Variants in CWF19L2 observed in about 807,000 individuals in gnomAD.
CWF19L2 encodes CWF19-like protein 2.
CWF19L2 carries 98 observed loss-of-function variants against 111.7 expected under a neutral mutation model. The ratio of observed to expected loss-of-function variants is 0.88; its 90% CI spans 0.75 to 1.04. The LOEUF is 1.04. CWF19L2 is among the 50% of genes least tolerant of loss of function. The probability of loss-of-function intolerance (pLI) is 0.00; values close to 1 mark genes in which losing one functional copy is unlikely to be tolerated. For synonymous variants in CWF19L2, 351 were observed against 342.9 expected, an observed-to-expected ratio of 1.02 and a Z score of -0.26; for missense variants, 1,101 against 1,051.4, an observed-to-expected ratio of 1.05 and a Z score of -0.65.
chr11:107,344,651 T>C (rs1860052003), intron 14 of CWF19L2, among the ~76,000 whole-genome samples: 1 of 152,238 alleles, frequency 6.6e-6, no homozygotes, highest in African/African-American at 2.4e-5. Flanking sequence ...TGAAGCATTT[T>C]TACGAGGGCT....
At chr11:107,413,914 C>T (rs1452181967) in intron 10 of CWF19L2, among the ~76,000 whole-genome samples, 1 of 152,108 alleles carries the variant, frequency 6.6e-6, no homozygotes, top group Non-Finnish European at 1.5e-5. Flanking sequence ...CAGTTTTAAA[C>T]TTCATTATAT....
At chr11:107,380,896 A>T (rs1422195980) in intron 12 of CWF19L2, among the ~76,000 whole-genome samples, 23 of 152,236 alleles carry the variant, frequency 1.5e-4, no homozygotes, top group Non-Finnish European at 2.9e-5. Context: ...AAAAGCAATG[A>T]AATTCTGAAA....
chr11:107,453,540 G>A (rs1427602019), intron 3 of CWF19L2, among the ~76,000 whole-genome samples: 7 of 151,770 alleles, frequency 4.6e-5, no homozygotes, highest in South Asian at 2.1e-4. Flanking sequence ...ACCAATAATC[G>A]GGTACTACAC....
chr11:107,446,838 G>A (rs1032300235), intron 3 of CWF19L2, among the ~76,000 whole-genome samples: 1 of 152,126 alleles, frequency 6.6e-6, no homozygotes, highest in African/African-American at 2.4e-5. Flanking sequence ...CAGCAAAATT[G>A]ATGCTCCCCA....
intron 12 of CWF19L2, among the ~76,000 whole-genome samples, chr11:107,387,004 G>C (rs372448869): frequency 1.3e-5 from 2 of 151,638 alleles, no homozygotes; most frequent in South Asian, 4.2e-4. Context: ...CAATGAGTTG[G>C]GATTGAGCCA....
chr11:107,453,406 C>T (rs937820136), intron 3 of CWF19L2, among the ~76,000 whole-genome samples: 1 of 152,068 alleles, frequency 6.6e-6, no homozygotes, highest in Admixed American at 6.6e-5. Flanking sequence ...CCAAAAGAGA[C>T]CCTGTCCTTC....
At chr11:107,403,516 C>A (rs545625509) in intron 10 of CWF19L2, 1 of 824,222 alleles carries the variant, frequency 1.2e-6, no homozygotes, top group Non-Finnish European at 2.2e-6. Flanking sequence ...TACTGTCAAC[C>A]CCCTCCTGCC....
At chr11:107,345,934 T>A (rs1214265714) in intron 14 of CWF19L2, among the ~76,000 whole-genome samples, 1 of 152,166 alleles carries the variant, frequency 6.6e-6, no homozygotes, top group Non-Finnish European at 1.5e-5. Context: ...AATTCCCATA[T>A]TCCTAGTAAA....
At chr11:107,380,242 A>G (rs970212699) in intron 12 of CWF19L2, among the ~76,000 whole-genome samples, 1 of 152,142 alleles carries the variant, frequency 6.6e-6, no homozygotes, top group Non-Finnish European at 1.5e-5. Context: ...TTACAAAACC[A>G]TTTCAAATTT....
chr11:107,417,380 A>G (rs1861242172), intron 9 of CWF19L2, among the ~76,000 whole-genome samples: 2 of 152,220 alleles, frequency 1.3e-5, no homozygotes, highest in Admixed American at 6.5e-5. Context: ...ATTCTGAGGT[A>G]AATTAGTCTT....
chr11:107,345,376 A>C (rs934616886), intron 14 of CWF19L2: 3 of 385,718 alleles, frequency 7.8e-6, no homozygotes, highest in Non-Finnish European at 1.6e-5. Context: ...AAGCAACAGC[A>C]ATAACAATAA....
At chr11:107,386,530 C>A (rs1364190744) in intron 12 of CWF19L2, among the ~76,000 whole-genome samples, 1 of 152,106 alleles carries the variant, frequency 6.6e-6, no homozygotes, top group East Asian at 1.9e-4. Context: ...CTGCCAAATC[C>A]AGTGACCATT....
At chr11:107,339,201 T>C (rs1859970442) in intron 14 of CWF19L2, among the ~76,000 whole-genome samples, 1 of 152,176 alleles carries the variant, frequency 6.6e-6, no homozygotes, top group African/African-American at 2.4e-5. Context: ...GTATTCCTGA[T>C]ATGGATGTGC....
chr11:107,334,509 T>C (rs1414046595), intron 16 of CWF19L2, among the ~76,000 whole-genome samples: 1 of 152,030 alleles, frequency 6.6e-6, no homozygotes, highest in Non-Finnish European at 1.5e-5. Flanking sequence ...TCTAGGAAAA[T>C]TTTTCTCTCA....
intron 9 of CWF19L2, among the ~76,000 whole-genome samples, chr11:107,417,432 C>T (rs374924966): frequency 6.6e-6 from 1 of 152,146 alleles, no homozygotes; most frequent in African/African-American, 2.4e-5. Flanking sequence ...TAAGCCTACA[C>T]AAAGCATCTA....
rs747081259 is a variant in CWF19L2 at position 107,439,114 on chromosome 11, A to T, written c.640T>A (p.Cys214Ser). The change falls in exon 6 of 18, where the codon TGT becomes AGT. Residue 214 changes from cysteine (C) to serine (S), a missense_variant. Physicochemically the swap from Cys to Ser is moderately radical, Grantham distance 112. Coordinates refer to ENST00000282251, the MANE Select transcript of CWF19L2 (RefSeq NM_152434.3). ...DGGTGLPPED[C>S]SVSSITKVSV... ...CCTTTAGTAATCGATGACACACTACAGTCTTCAGGTGGAAGACCTGTCCCA... is the reference window on the plus strand; with the variant it reads ...CCTTTAGTAATCGATGACACACTACTGTCTTCAGGTGGAAGACCTGTCCCA... 1.1e-5 allele frequency: 17 copies of T among 1,598,900 alleles called. No individual in the cohort carries two copies. In the East Asian group the frequency reaches 2.9e-4, roughly 27 times the overall value.
Position 107,353,594 on chromosome 11 carries a change from A to T in CWF19L2, c.2015T>A (p.Met672Lys). Reference protein sequence around the residue: ...IAEHRSLAAQMEKCLYCFDSS... With the variant: ...IAEHRSLAAQKEKCLYCFDSS... ...GTCAAAACAATACAGACATTTTTCC[A>T]TTTGTGCAGCAAGACTCCGATGCTC... The change falls in exon 13 of 18, where the codon ATG (methionine) becomes AAG (lysine). Residue 672 changes from methionine to lysine, a missense_variant. By Grantham distance (95) the Met-to-Lys change is moderately conservative (BLOSUM62 -1). Coordinates refer to ENST00000282251, the MANE Select transcript of CWF19L2 (RefSeq NM_152434.3). 1 of 1,613,830 alleles carries T rather than the reference A, an allele frequency of 6.2e-7. No individual in the cohort carries two copies. The highest frequency in any genetic ancestry group is 8.5e-7 in the Non-Finnish European group (1 of 1,179,778).
chr11:107,338,504 C>A (rs1357824682), intron 14 of CWF19L2, among the ~76,000 whole-genome samples: 2 of 151,990 alleles, frequency 1.3e-5, no homozygotes, highest in African/African-American at 4.8e-5. Flanking sequence ...ACAGATCATC[C>A]CGTTACCTAG....
At position 107,336,786 on chromosome 11, in the gene CWF19L2, G is replaced by A. The variant is rs76225424; in HGVS notation, c.2203-73C>T. 9.9e-5 allele frequency: 80 copies of A among 804,826 alleles called. No individual in the cohort carries two copies. The East Asian group carries it at 1.4e-3, about 14-fold the overall frequency. 49.9% of individuals were successfully genotyped at this position (804,826 alleles called of 1,614,324 possible). On this transcript the variant is annotated intron_variant, in intron 14 of 17. Coordinates refer to ENST00000282251, the MANE Select transcript of CWF19L2 (RefSeq NM_152434.3). ...AAAATCAAGCATATTCAAGATATTTGAAATATGAAAACTTTAATAAAAAAG... is the reference window on the plus strand; with the variant it reads ...AAAATCAAGCATATTCAAGATATTTAAAATATGAAAACTTTAATAAAAAAG...
Sources: gnomAD v4.1 joint callset for allele counts (sites outside exome capture counted in the v4.1 genomes callset) on GRCh38, gnomAD v4.1.1 for gene constraint, MANE v1.5 for transcripts, NCBI Gene and HGNC (gene_info 2026-07-23, HGNC 2026-07-21) for gene names.